Variants in KCNC4 observed in about 807,000 individuals in gnomAD.
The protein encoded by KCNC4 is voltage-gated potassium channel KCNC4.
Under a neutral mutation model 42.8 loss-of-function variants are expected in KCNC4, and 23 were observed. The ratio of observed to expected loss-of-function variants is 0.54; its 90% CI spans 0.39 to 0.76. The LOEUF (loss-of-function observed/expected upper bound fraction) is 0.76. Ranked by LOEUF, KCNC4 falls within the 30% of genes least tolerant of loss-of-function variation. The pLI, the probability that KCNC4 is intolerant of heterozygous loss-of-function variation, is 0.00. For missense variants in KCNC4, 751 were observed against 898.2 expected (o/e 0.84, Z 2.10); for synonymous variants, 422 against 393.5 (o/e 1.07, Z -0.86).
chr1:110,283,698 C>T (rs562653100), downstream of KCNC4, among the ~76,000 whole-genome samples: 4 of 152,306 alleles, frequency 2.6e-5, no homozygotes, highest in South Asian at 8.3e-4. Flanking sequence ...GGGTACTTCC[C>T]AGTCTCTTCA....
chr1:110,256,530 A>G (rs1659334237), intron 1 of KCNC4, among the ~76,000 whole-genome samples: 1 of 152,254 alleles, frequency 6.6e-6, no homozygotes, highest in Non-Finnish European at 1.5e-5. Flanking sequence ...TTTACTGGAC[A>G]TCACGCTGTG....
At chr1:110,246,629 A>G (rs957309755) in exon 4 of KCNC4, 5 of 152,100 alleles carry the variant, frequency 3.3e-5, no homozygotes, top group Non-Finnish European at 7.3e-5. Context: ...CTCCAATCCC[A>G]TGCACATAGA....
intron 1 of KCNC4, among the ~76,000 whole-genome samples, chr1:110,279,937 G>A (rs1271515143): frequency 2.7e-5 from 4 of 150,924 alleles, no homozygotes; most frequent in South Asian, 2.1e-4. Context: ...GTAGGCACCC[G>A]CCACTACGCT....
chr1:110,217,210 C>T (rs763885525), intron 1 of KCNC4, among the ~76,000 whole-genome samples: 10 of 151,778 alleles, frequency 6.6e-5, no homozygotes, highest in African/African-American at 1.2e-4. Flanking sequence ...CCACAGGAGT[C>T]GTAAGAAAAT....
Position 110,211,287 on chromosome 1 carries a change from C to G in KCNC4, c.-213C>G. 2 of 683,014 alleles carry G rather than the reference C, an allele frequency of 2.9e-6. No homozygotes were observed. The highest frequency in any genetic ancestry group is 1.8e-5 in the African/African-American group (1 of 55,172). The allele number at this position is 683,014 out of a possible 1,614,324, so 42.3% of individuals were successfully genotyped here. A position where few individuals can be genotyped will look rare whatever the true frequency, so the allele number is the denominator to read the frequency against. ...CTCCCTCTCTCCGGAGCTTCCTGCCCTAACCCCAACCACCTGTGTACCGGA... is the reference window on the plus strand; with the variant it reads ...CTCCCTCTCTCCGGAGCTTCCTGCCGTAACCCCAACCACCTGTGTACCGGA... On this transcript the variant is annotated 5_prime_UTR_variant, in exon 1 of 4. Transcript: ENST00000438661. The surrounding 1 kb of genome is among the most constrained non-coding windows in gnomAD (Gnocchi z 6.5).
chr1:110,274,164 A>G (rs1659679894), intron 1 of KCNC4, among the ~76,000 whole-genome samples: 1 of 152,224 alleles, frequency 6.6e-6, no homozygotes, highest in Admixed American at 6.5e-5. Context: ...AAATCAACAT[A>G]CAAAAATCAG....
At chr1:110,255,355 C>G (rs920301687) in intron 1 of KCNC4, among the ~76,000 whole-genome samples, 1 of 152,188 alleles carries the variant, frequency 6.6e-6, no homozygotes, top group Non-Finnish European at 1.5e-5. Context: ...CCAGCTCACC[C>G]CTTCACACTT....
At position 110,230,509 on chromosome 1, in the gene KCNC4, C is replaced by T. The variant is rs550762209; in HGVS notation, c.1820-2402C>T. 2.0e-5 allele frequency among the ~76,000 whole-genome samples: 3 copies of T among 152,326 alleles called. No homozygotes were observed. The East Asian group carries it at 5.8e-4, about 29-fold the overall frequency. Reference sequence around the variant, plus strand: ...TTTCTGGTTCAGGGAACCGAGGCCGCTATTTCTGTGGCAGCCCTCAAGTTG... The same window carrying T: ...TTTCTGGTTCAGGGAACCGAGGCCGTTATTTCTGTGGCAGCCCTCAAGTTG... On this transcript the variant is annotated intron_variant, in intron 3 of 3. Coordinates refer to ENST00000438661, the MANE Select transcript of KCNC4 (RefSeq NM_001039574.3).
At chr1:110,230,238 G>GA (rs1658624621) in intron 3 of KCNC4, among the ~76,000 whole-genome samples, 1 of 152,220 alleles carries the variant, frequency 6.6e-6, no homozygotes, top group African/African-American at 2.4e-5. Context: ...AGAATGAAGT[G>GA]ACCTGACCCA....
chr1:110,251,149 A>G (rs1347919260), downstream of KCNC4, among the ~76,000 whole-genome samples: 1 of 152,124 alleles, frequency 6.6e-6, no homozygotes, highest in Non-Finnish European at 1.5e-5. Flanking sequence ...GAGGGGCCCC[A>G]ACATCACTGC....
At chr1:110,254,094 G>GT (rs1553216653), downstream of KCNC4, among the ~76,000 whole-genome samples, 6 of 131,040 alleles carry the variant, frequency 4.6e-5, no homozygotes, top group African/African-American at 1.2e-4. Flanking sequence ...AGAAGTCGGG[G>GT]GGGGGGCGGC....
In KCNC4 at chr1:110,210,675, G is replaced by GCCCCGTCTGAGGCAC. The variant is rs1553209997; in HGVS notation, c.-819_-805dup. Among the ~76,000 whole-genome samples, 1 of 150,938 alleles carries GCCCCGTCTGAGGCAC rather than the reference G, an allele frequency of 6.6e-6. No individual in the cohort carries two copies. The highest frequency in any genetic ancestry group is 2.4e-5 in the African/African-American group (1 of 41,176). On this transcript the variant is annotated 5_prime_UTR_variant, in exon 1 of 4. Transcript: ENST00000438661. ...CCCCAGGCTCGGCGCCGCGCAGGAC[G>GCCCCGTCTGAGGCAC]CCCCGTCTGAGGCACCCCCGCCCCA...
intron 1 of KCNC4, among the ~76,000 whole-genome samples, chr1:110,264,195 T>A (rs1023358559): frequency 6.6e-6 from 1 of 151,394 alleles, no homozygotes; most frequent in African/African-American, 2.4e-5. Context: ...CAGGTAAGAG[T>A]TTTTGAAGGC....
downstream of KCNC4, among the ~76,000 whole-genome samples, chr1:110,250,174 C>G (rs767136816): frequency 2.0e-4 from 30 of 152,188 alleles, no homozygotes; most frequent in Non-Finnish European, 3.7e-4. Context: ...CTCCCTCCTC[C>G]CACATGACCA....
chr1:110,227,063 A>G (rs995939347), intron 3 of KCNC4, among the ~76,000 whole-genome samples: 5 of 151,914 alleles, frequency 3.3e-5, no homozygotes, highest in Admixed American at 6.6e-5. Context: ...ACCTAACCTC[A>G]CTCAATGTTC....
chr1:110,212,897 C>T (rs1421488119), intron 1 of KCNC4, among the ~76,000 whole-genome samples: 1 of 152,158 alleles, frequency 6.6e-6, no homozygotes, highest in East Asian at 1.9e-4. Flanking sequence ...CTAGGCTCTG[C>T]AGGCTCCCAC....
At chr1:110,232,453 T>TG (rs2101042090) in intron 3 of KCNC4, 1 of 1,467,960 alleles carries the variant, frequency 6.8e-7, no homozygotes, top group East Asian at 2.5e-5. Context: ...GCTGGGGTGA[T>TG]GGCCTGTGAG....
chr1:110,279,924 C>T (rs547144504), intron 1 of KCNC4, among the ~76,000 whole-genome samples: 1 of 150,114 alleles, frequency 6.7e-6, no homozygotes, highest in Admixed American at 6.6e-5. Context: ...TCAGCCTCCC[C>T]GAGTAGGCAC....
In KCNC4 at chr1:110,233,710, G is replaced by A. The variant is rs895177388; in HGVS notation, c.*738G>A. 6.6e-6 allele frequency: 1 copy of A among 152,514 alleles called. No homozygotes were observed. The highest frequency in any genetic ancestry group is 1.5e-5 in the Non-Finnish European group (1 of 68,294). The allele number at this position is 152,514 out of a possible 1,614,324, so 9.4% of individuals were successfully genotyped here. On this transcript the variant is annotated 3_prime_UTR_variant, in exon 4 of 4. Transcript: ENST00000438661. Reference sequence around the variant, plus strand: ...CTGCTGGGCAGACAGGCAGGGAAAGGATCTGTCTGCCCATCTGGCCCAGGG... The same window carrying A: ...CTGCTGGGCAGACAGGCAGGGAAAGAATCTGTCTGCCCATCTGGCCCAGGG...
Sources: gnomAD v4.1 joint callset for allele counts (sites outside exome capture counted in the v4.1 genomes callset) on GRCh38, gnomAD v4.1.1 for gene constraint, Gnocchi (gnomAD v3.1) non-coding constraint, MANE v1.5 for transcripts, NCBI Gene and HGNC (gene_info 2026-07-23, HGNC 2026-07-21) for gene names.